PARD3B: variants seen among roughly 807,000 people sequenced by gnomAD.
PARD3B encodes the protein partitioning defective 3 homolog B.
Under a neutral mutation model 130.2 loss-of-function variants are expected in PARD3B, and 103 were observed. The ratio of observed to expected loss-of-function variants is 0.79; its 90% confidence interval spans 0.67 to 0.93. The LOEUF is 0.93. PARD3B is among the 40% of genes least tolerant of loss of function. The pLI, the probability that PARD3B is intolerant of heterozygous loss-of-function variation, is 0.00. For missense variants in PARD3B, 1,609 were observed against 1,499.2 expected (o/e 1.07, Z -1.21); for synonymous variants, 583 against 553.2 (o/e 1.05, Z -0.76).
At chr2:204,592,703 C>T (rs754235316) in intron 1 of PARD3B, among the ~76,000 whole-genome samples, 1 of 152,134 alleles carries the variant, frequency 6.6e-6, no homozygotes, top group African/African-American at 2.4e-5. Flanking sequence ...TATTTGCATC[C>T]ATCACTACAC....
At chr2:205,602,197 G>A (rs2054813252) in intron 22 of PARD3B, among the ~76,000 whole-genome samples, 1 of 152,154 alleles carries the variant, frequency 6.6e-6, no homozygotes, top group Non-Finnish European at 1.5e-5. Context: ...TGCATATGTT[G>A]AACCAGCCTT....
chr2:205,320,904 T>C (rs781190294), intron 18 of PARD3B, among the ~76,000 whole-genome samples: 2 of 152,234 alleles, frequency 1.3e-5, no homozygotes, highest in Non-Finnish European at 1.5e-5. Flanking sequence ...CTTTTGGCCA[T>C]ACCATTTCTG....
intron 15 of PARD3B, among the ~76,000 whole-genome samples, chr2:205,199,370 G>T (rs1260788159): frequency 6.6e-6 from 1 of 152,070 alleles, no homozygotes; most frequent in Non-Finnish European, 1.5e-5. Flanking sequence ...GCTGCCTCAA[G>T]AACTCACTGA....
chr2:204,720,784 C>T (rs888207090), intron 2 of PARD3B, among the ~76,000 whole-genome samples: 1 of 152,086 alleles, frequency 6.6e-6, no homozygotes, highest in Admixed American at 6.6e-5. Flanking sequence ...ATAATAGTGG[C>T]TTCAACAAGA....
At chr2:205,252,246 AT>A (rs1338842614) in intron 16 of PARD3B, among the ~76,000 whole-genome samples, 4 of 152,226 alleles carry the variant, frequency 2.6e-5, no homozygotes, top group Non-Finnish European at 1.5e-5. Flanking sequence ...AAAATAAATT[AT>A]TTTAGTTCCA....
rs77513176 is a variant in PARD3B, at chr2:204,592,580, G to T, written c.120+46461G>T. Among the ~76,000 whole-genome samples the T allele has an allele frequency of 6.5e-4, 99 of 152,196 alleles. No homozygotes were observed. The East Asian group carries it at 0.019, about 29-fold the overall frequency. The stretch of plus-strand genomic sequence containing the variant: ...TGTTTTGTATTATACTTTTTAAAAT[G>T]ATTTTATGCCCAGCTAATTTTTATA... On this transcript the variant is annotated intron_variant, in intron 1 of 22. Coordinates refer to ENST00000406610, the MANE Select transcript of PARD3B (RefSeq NM_001302769.2).
intron 2 of PARD3B, among the ~76,000 whole-genome samples, chr2:204,888,108 A>G (rs941080795): frequency 2.0e-5 from 3 of 152,174 alleles, no homozygotes; most frequent in African/African-American, 7.2e-5. Flanking sequence ...CAGGCAAGGC[A>G]CAAGCACCAG....
intron 2 of PARD3B, among the ~76,000 whole-genome samples, chr2:204,930,768 G>T (rs942868924): frequency 6.6e-6 from 1 of 151,970 alleles, no homozygotes; most frequent in Non-Finnish European, 1.5e-5. Flanking sequence ...AAACTATCTG[G>T]TGCTCCTTCT....
intron 2 of PARD3B, among the ~76,000 whole-genome samples, chr2:204,730,659 C>T (rs191457138): frequency 3.5e-4 from 53 of 151,886 alleles, no homozygotes; most frequent in African/African-American, 1.2e-3. Flanking sequence ...CTGAAAAGCT[C>T]TCATCGGAGA....
chr2:204,572,323 G>A (rs183312767), intron 1 of PARD3B, among the ~76,000 whole-genome samples: 1 of 152,234 alleles, frequency 6.6e-6, no homozygotes, highest in East Asian at 1.9e-4. Flanking sequence ...GGAAAAGGAG[G>A]GGAGGGTACA....
At chr2:205,282,310 C>A (rs962382978) in intron 16 of PARD3B, among the ~76,000 whole-genome samples, 1 of 151,910 alleles carries the variant, frequency 6.6e-6, no homozygotes, top group Non-Finnish European at 1.5e-5. Context: ...TCTTTTCATT[C>A]TTGATAACAG....
chr2:205,511,188 A>C (rs1487543989), intron 21 of PARD3B, among the ~76,000 whole-genome samples: 1 of 152,186 alleles, frequency 6.6e-6, no homozygotes, highest in Non-Finnish European at 1.5e-5. Flanking sequence ...ACCAAAATCA[A>C]AGTGTGGTGT....
At chr2:204,796,719 C>A (rs778879563) in intron 2 of PARD3B, among the ~76,000 whole-genome samples, 1 of 152,232 alleles carries the variant, frequency 6.6e-6, no homozygotes, top group Non-Finnish European at 1.5e-5. Context: ...AGCTTTTCTA[C>A]TGTCCAGTTT....
rs139158804 is a variant in PARD3B at position 204,819,684 on chromosome 2, T to C, written c.222+133402T>C. Among the ~76,000 whole-genome samples the C allele has an allele frequency of 2.4e-4, 36 of 152,236 alleles. No individual in the cohort carries two copies. The East Asian group carries it at 7.0e-3, about 29-fold the overall frequency. ...CCTGTTGCACCAAACAGCCAAGATA[T>C]GCATAGATAAAGTTCTCGAAGGAAA... is the stretch of plus-strand genomic sequence containing the variant. On this transcript the variant is annotated intron_variant, in intron 2 of 22. Transcript: ENST00000406610.
intron 2 of PARD3B, among the ~76,000 whole-genome samples, chr2:204,686,550 T>C (rs1380068586): frequency 6.6e-6 from 1 of 152,194 alleles, no homozygotes; most frequent in African/African-American, 2.4e-5. Context: ...TAGTTTCATA[T>C]GTGAGGCTGT....
chr2:205,493,973 C>T (rs2049830916), intron 20 of PARD3B, among the ~76,000 whole-genome samples: 1 of 151,852 alleles, frequency 6.6e-6, no homozygotes, highest in Admixed American at 6.6e-5. Context: ...GTTGGCCAGG[C>T]TAGTCTCGAA....
In PARD3B at chr2:205,523,219, GTGTGTGTA is replaced by G. The variant is rs1045464927; in HGVS notation, c.3180+23190_3180+23197del. 1.0e-3 allele frequency among the ~76,000 whole-genome samples: 117 copies of G among 113,726 alleles called. 1 individual carries two copies. The highest frequency in any genetic ancestry group is 8.5e-3 in the East Asian group (31 of 3,654). 74.6% of individuals were successfully genotyped at this position (113,726 alleles called of 152,430 possible). A position where few individuals can be genotyped will look rare whatever the true frequency, so the allele number is the denominator to read the frequency against. On this transcript the variant is annotated intron_variant, in intron 21 of 22. Coordinates refer to ENST00000406610, the MANE Select transcript of PARD3B (RefSeq NM_001302769.2). ...ACCCCCGTGTACTATATGTGTGTGT[GTGTGTGTA>G]TATATATATATATATTTATATATAT...
intron 15 of PARD3B, among the ~76,000 whole-genome samples, chr2:205,217,752 A>C: frequency 6.7e-6 from 1 of 149,966 alleles, no homozygotes; most frequent in East Asian, 2.0e-4. Context: ...GTATGTGTGT[A>C]TATATGTGTG....
At chr2:204,697,985 A>G (rs1574736767) in intron 2 of PARD3B, among the ~76,000 whole-genome samples, 1 of 152,064 alleles carries the variant, frequency 6.6e-6, no homozygotes, top group Non-Finnish European at 1.5e-5. Flanking sequence ...TGTTGTTATG[A>G]AGTTTAGATC....
Sources: allele counts gnomAD v4.1 joint callset (sites outside exome capture counted in the v4.1 genomes callset), GRCh38; gene constraint gnomAD v4.1.1; transcripts MANE v1.5; gene names NCBI Gene and HGNC (gene_info 2026-07-23, HGNC 2026-07-21).